ABHD17B: variants seen among roughly 807,000 people sequenced by gnomAD.
ABHD17B encodes the protein alpha/beta hydrolase domain-containing protein 17B.
A neutral mutation model predicts 26.2 loss-of-function variants in ABHD17B; 9 were observed. The ratio of observed to expected loss-of-function variants is 0.34; its 90% CI spans 0.21 to 0.60. The LOEUF is 0.60. Ranked by LOEUF, ABHD17B falls within the 20% of genes least tolerant of loss-of-function variation. The probability of loss-of-function intolerance (pLI) is 0.80; values close to 1 mark genes in which losing one functional copy is unlikely to be tolerated. For synonymous variants in ABHD17B, 127 were observed against 122.3 expected (o/e 1.04, Z -0.25); for missense variants, 224 against 352.1 (o/e 0.64, Z 2.91).
chr9:71,869,472 G>C (rs1323741245), intron 3 of ABHD17B, among the ~76,000 whole-genome samples: 1 of 152,092 alleles, frequency 6.6e-6, no homozygotes, highest in Non-Finnish European at 1.5e-5. Flanking sequence ...ATGAAGAGTA[G>C]GTGGGAACTA....
intron 2 of ABHD17B, among the ~76,000 whole-genome samples, chr9:71,871,398 C>A (rs928174569): frequency 3.3e-5 from 5 of 152,198 alleles, no homozygotes; most frequent in Admixed American, 1.3e-4. Flanking sequence ...GCTCTGTCTA[C>A]TTCAAATTGA....
intron 1 of ABHD17B, among the ~76,000 whole-genome samples, chr9:71,876,056 A>G (rs1443590433): frequency 6.6e-6 from 1 of 152,200 alleles, no homozygotes; most frequent in East Asian, 1.9e-4. Flanking sequence ...CAAATAACCT[A>G]TAGAACATTA....
intron 2 of ABHD17B, among the ~76,000 whole-genome samples, chr9:71,873,257 T>C (rs1826163772): frequency 6.6e-6 from 1 of 151,294 alleles, no homozygotes; most frequent in African/African-American, 2.4e-5. Flanking sequence ...CAAATTGTGA[T>C]TTTTTTTTCA....
At chr9:71,899,692 A>G (rs1040367390) in intron 1 of ABHD17B, among the ~76,000 whole-genome samples, 1 of 152,180 alleles carries the variant, frequency 6.6e-6, no homozygotes, top group Non-Finnish European at 1.5e-5. Flanking sequence ...CTACTGCCTC[A>G]ATTTTAATGT....
chr9:71,876,845 A>G (rs1240409322), intron 1 of ABHD17B, among the ~76,000 whole-genome samples: 3 of 152,216 alleles, frequency 2.0e-5, no homozygotes, highest in Non-Finnish European at 4.4e-5. Context: ...ATAACATAAA[A>G]GACTTCAAAA....
intron 1 of ABHD17B, among the ~76,000 whole-genome samples, chr9:71,878,339 A>T (rs960882020): frequency 3.3e-5 from 5 of 152,176 alleles, no homozygotes; most frequent in African/African-American, 1.2e-4. Context: ...AAAACAACAA[A>T]ATTTAATAGA....
At chr9:71,864,213 CTTTTTTTTTTTTT>C (rs762446648), downstream of ABHD17B, among the ~76,000 whole-genome samples, 232 of 80,406 alleles carry the variant, frequency 2.9e-3, no homozygotes, top group African/African-American at 0.012. Context: ...GCCAAACTTT[CTTTTTTTTTTTTT>C]TTTTTTTTTT....
chr9:71,891,700 ATAGAG>A (rs1193377038), intron 1 of ABHD17B, among the ~76,000 whole-genome samples: 4 of 152,184 alleles, frequency 2.6e-5, no homozygotes, highest in African/African-American at 7.2e-5. Context: ...GATTTTGGAG[ATAGAG>A]TAGTCAGTGT....
intron 1 of ABHD17B, among the ~76,000 whole-genome samples, chr9:71,879,512 G>C (rs1371817235): frequency 6.6e-6 from 1 of 152,132 alleles, no homozygotes; most frequent in African/African-American, 2.4e-5. Context: ...AAAAATGATA[G>C]TGCAGGGCAC....
chr9:71,874,765 G>T lies in ABHD17B; in HGVS notation c.316C>A (p.Gln106Lys). 1 of 1,614,142 alleles carries T rather than the reference G, an allele frequency of 6.2e-7. No homozygotes were observed. The highest frequency in any genetic ancestry group is 1.1e-5 in the South Asian group (1 of 91,052). Residue 106 changes from glutamine (Q) to lysine (K), a missense_variant, in exon 2 of 4, where the codon CAA becomes AAA. Coordinates refer to ENST00000333421, the MANE Select transcript of ABHD17B (RefSeq NM_001025780.3). ...FSHGNAVDLG[Q>K]MSSFYIGLGS... ...AGTCCTATGTAAAAGCTGCTCATTT[G>T]ACCAAGATCAACAGCATTTCCATGT...
chr9:71,900,312 A>G (rs1827093974), intron 1 of ABHD17B, among the ~76,000 whole-genome samples: 1 of 152,218 alleles, frequency 6.6e-6, no homozygotes, highest in Admixed American at 6.5e-5. Context: ...TCTTTTCTAG[A>G]CGGCCTACAA....
intron 1 of ABHD17B, among the ~76,000 whole-genome samples, chr9:71,896,049 C>A (rs1826941614): frequency 6.6e-6 from 1 of 152,220 alleles, no homozygotes; most frequent in Non-Finnish European, 1.5e-5. Context: ...CAATCTAGAA[C>A]AGCTATAATA....
intron 1 of ABHD17B, among the ~76,000 whole-genome samples, chr9:71,893,643 T>A (rs1292053864): frequency 3.9e-5 from 6 of 152,202 alleles, no homozygotes; most frequent in Non-Finnish European, 8.8e-5. Context: ...GCTGTTGGTA[T>A]CAACTTAACC....
Position 71,866,762 on chromosome 9 carries a change from C to T in ABHD17B, c.*25G>A. 1 of 1,612,606 alleles carries T rather than the reference C, an allele frequency of 6.2e-7. No homozygotes were observed. Among genetic ancestry groups the T allele is most frequent in the African/African-American group, 1.3e-5 (1 of 74,970 alleles). On this transcript the variant is annotated 3_prime_UTR_variant, in exon 4 of 4. Coordinates refer to ENST00000333421, the MANE Select transcript of ABHD17B (RefSeq NM_001025780.3). ...AGTGCAGTTCAGCAAGAAAGGAAAA[C>T]CCAGTAGCAAATTTACAGAATATTT...
At chr9:71,871,377 C>T (rs989967619) in intron 2 of ABHD17B, among the ~76,000 whole-genome samples, 1 of 152,170 alleles carries the variant, frequency 6.6e-6, no homozygotes, top group East Asian at 1.9e-4. Context: ...GTATAGGACA[C>T]AGAAAGTGGG....
chr9:71,907,869 G>T (rs1488497287), intron 1 of ABHD17B, among the ~76,000 whole-genome samples: 2 of 152,056 alleles, frequency 1.3e-5, no homozygotes, highest in Admixed American at 6.6e-5. Context: ...ATGGGTACAT[G>T]GATATTCATT....
At chr9:71,907,509 TTTTTTG>T (rs1827319962) in intron 1 of ABHD17B, among the ~76,000 whole-genome samples, 2 of 152,118 alleles carry the variant, frequency 1.3e-5, no homozygotes, top group Admixed American at 1.3e-4. Flanking sequence ...GGAAACCTCG[TTTTTTG>T]TTTTTGTTTT....
downstream of ABHD17B, among the ~76,000 whole-genome samples, chr9:71,863,263 C>G (rs1173520481): frequency 6.6e-6 from 1 of 152,102 alleles, no homozygotes; most frequent in Non-Finnish European, 1.5e-5. Flanking sequence ...AGGCTAAAAA[C>G]TGATATGAGC....
Position 71,865,295 on chromosome 9 carries a change from G to T in ABHD17B, c.*1492C>A, listed in dbSNP as rs547434739. On this transcript the variant is annotated 3_prime_UTR_variant, in exon 4 of 4. Transcript: ENST00000333421. ...AGCAGAACAATTAAAACTACATAAGGCCTTAAAATATATCCACAGTGTGTA... is the reference window on the plus strand; with the variant it reads ...AGCAGAACAATTAAAACTACATAAGTCCTTAAAATATATCCACAGTGTGTA... 1.0e-6 allele frequency: 1 copy of T among 985,324 alleles called. No individual in the cohort carries two copies. Among genetic ancestry groups the T allele is most frequent in the Non-Finnish European group, 1.2e-6 (1 of 829,662 alleles). The allele number at this position is 985,324 out of a possible 1,614,324, so 61.0% of individuals were successfully genotyped here.
Sources: allele counts gnomAD v4.1 joint callset (sites outside exome capture counted in the v4.1 genomes callset), GRCh38; gene constraint gnomAD v4.1.1; transcripts MANE v1.5; gene names NCBI Gene and HGNC (gene_info 2026-07-23, HGNC 2026-07-21).